The following MYO3B variants were observed in gnomAD, a reference collection of about 807,000 sequenced individuals.
MYO3B encodes myosin IIIB.
Under a neutral mutation model 174.6 loss-of-function variants are expected in MYO3B, and 156 were observed. That is an observed-to-expected ratio of 0.89 (90% confidence interval 0.78 to 1.02). The LOEUF is 1.02. Among genes scored for constraint, MYO3B ranks in the 50% least tolerant of loss-of-function variants. The pLI, the probability that MYO3B is intolerant of heterozygous loss-of-function variation, is 0.00. For missense variants in MYO3B, 1,632 were observed against 1,639.4 expected (o/e 1.00, Z 0.08); for synonymous variants, 563 against 569.1 (o/e 0.99, Z 0.15).
At chr2:170,410,045 C>T (rs186132003) in intron 22 of MYO3B, among the ~76,000 whole-genome samples, 2 of 152,286 alleles carry the variant, frequency 1.3e-5, no homozygotes, top group East Asian at 3.9e-4. Flanking sequence ...GCCTATACAT[C>T]TTGATGTTCC....
rs1044217350 is a variant in MYO3B, at chr2:170,483,603, G to A, written c.3015-14989G>A. Among the ~76,000 whole-genome samples the A allele has an allele frequency of 1.1e-4, 14 of 125,824 alleles. 5 individuals are homozygous for A. The highest frequency in any genetic ancestry group is 7.0e-4 in the African/African-American group (14 of 19,904). The allele number at this position is 125,824 out of a possible 152,430, so 82.5% of individuals were successfully genotyped here. On this transcript the variant is annotated intron_variant, in intron 25 of 34. Transcript: ENST00000408978. Reference sequence around the variant, plus strand: ...GGGTTTCACCGTGTTAGCCAGGATGGTCTCGATCTCCTGACCTCGTGATCC... The same window carrying A: ...GGGTTTCACCGTGTTAGCCAGGATGATCTCGATCTCCTGACCTCGTGATCC...
At chr2:170,417,697 T>C (rs184121915) in intron 22 of MYO3B, among the ~76,000 whole-genome samples, 1 of 152,330 alleles carries the variant, frequency 6.6e-6, no homozygotes, top group Non-Finnish European at 1.5e-5. Context: ...ACCAACCCTC[T>C]GTCTGCCTTC....
chr2:170,307,738 C>T (rs1295380137), intron 7 of MYO3B, among the ~76,000 whole-genome samples: 1 of 152,186 alleles, frequency 6.6e-6, no homozygotes, highest in Non-Finnish European at 1.5e-5. Flanking sequence ...AGGGTCACCC[C>T]ATAGGTAGTG....
intron 7 of MYO3B, among the ~76,000 whole-genome samples, chr2:170,285,275 T>G (rs1185961377): frequency 6.6e-6 from 1 of 152,194 alleles, no homozygotes; most frequent in Non-Finnish European, 1.5e-5. Context: ...CCAAAGGGTT[T>G]TTTTTGTCTT....
At chr2:170,376,481 T>A (rs2094294268) in intron 9 of MYO3B, among the ~76,000 whole-genome samples, 1 of 152,226 alleles carries the variant, frequency 6.6e-6, no homozygotes, top group Non-Finnish European at 1.5e-5. Flanking sequence ...TTGTATGGAA[T>A]CCATTGAATG....
At chr2:170,651,813 C>A in intron 33 of MYO3B, 79 bp downstream of exon 33, 2 of 1,180,096 alleles carry the variant, frequency 1.7e-6, no homozygotes, top group Non-Finnish European at 2.5e-6. Flanking sequence ...CCTGTTCCAG[C>A]CCCTGCAGCC....
intron 28 of MYO3B, among the ~76,000 whole-genome samples, chr2:170,511,972 G>A (rs865869444): frequency 1.4e-4 from 21 of 152,306 alleles, no homozygotes; most frequent in African/African-American, 4.6e-4. Context: ...CAGAAGGAAG[G>A]GGAATTCCCC....
chr2:170,400,509 A>G (rs2094468107), intron 17 of MYO3B, among the ~76,000 whole-genome samples, 195 bp downstream of exon 17: 2 of 150,594 alleles, frequency 1.3e-5, no homozygotes. Flanking sequence ...AGGTTCAAGC[A>G]GTTCTTTGCC....
chr2:170,226,739 G>C (rs7578751), intron 6 of MYO3B, among the ~76,000 whole-genome samples: 1 of 152,124 alleles, frequency 6.6e-6, no homozygotes, highest in South Asian at 2.1e-4. Flanking sequence ...GTGAGGCCCA[G>C]AGCAGAGGCC....
chr2:170,525,590 C>T (rs993336069), intron 30 of MYO3B, among the ~76,000 whole-genome samples: 8 of 152,188 alleles, frequency 5.3e-5, no homozygotes, highest in Admixed American at 1.3e-4. Context: ...GAAGCTGCTT[C>T]GTTATGGGCC....
At chr2:170,213,048 T>C (rs536869150) in intron 3 of MYO3B, among the ~76,000 whole-genome samples, 23 of 152,328 alleles carry the variant, frequency 1.5e-4, no homozygotes, top group African/African-American at 5.1e-4. Context: ...GGTATTTCCA[T>C]GCTCTGCTCA....
intron 22 of MYO3B, among the ~76,000 whole-genome samples, chr2:170,411,158 C>T (rs1164390429): frequency 2.6e-5 from 4 of 152,196 alleles, no homozygotes; most frequent in Non-Finnish European, 5.9e-5. Flanking sequence ...GCCCCAGGAT[C>T]ACTTTCCTGT....
intron 32 of MYO3B, among the ~76,000 whole-genome samples, chr2:170,647,468 C>T (rs1210191094): frequency 4.6e-5 from 7 of 152,146 alleles, no homozygotes; most frequent in Non-Finnish European, 1.0e-4. Context: ...ACTATTTATT[C>T]GGTTGCTTAC....
intron 7 of MYO3B, among the ~76,000 whole-genome samples, chr2:170,327,694 G>C (rs975857359): frequency 1.3e-5 from 2 of 151,970 alleles, no homozygotes; most frequent in Non-Finnish European, 2.9e-5. Flanking sequence ...ACTTAGCATG[G>C]ATATCTTTTC....
intron 30 of MYO3B, among the ~76,000 whole-genome samples, chr2:170,539,049 C>G (rs1322482012): frequency 6.6e-6 from 1 of 152,180 alleles, no homozygotes; most frequent in Non-Finnish European, 1.5e-5. Context: ...CCCAATTGTT[C>G]TAAGAATGTC....
intron 25 of MYO3B, among the ~76,000 whole-genome samples, chr2:170,475,074 T>C (rs996254671): frequency 6.6e-6 from 1 of 152,152 alleles, no homozygotes; most frequent in African/African-American, 2.4e-5. Context: ...TCCACTTCAC[T>C]AAGGGATTAG....
At chr2:170,282,090 C>A (rs1240624760) in intron 7 of MYO3B, among the ~76,000 whole-genome samples, 3 of 152,240 alleles carry the variant, frequency 2.0e-5, no homozygotes, top group East Asian at 1.9e-4. Flanking sequence ...CTTTGCCATG[C>A]AGCTTTTTAG....
At chr2:170,603,120 T>G (rs1694620205) in intron 32 of MYO3B, among the ~76,000 whole-genome samples, 1 of 152,070 alleles carries the variant, frequency 6.6e-6, no homozygotes, top group South Asian at 2.1e-4. Context: ...TTCATAAACT[T>G]TATTTTCCTA....
intron 7 of MYO3B, among the ~76,000 whole-genome samples, chr2:170,317,069 A>G (rs2093780859): frequency 6.6e-6 from 1 of 152,194 alleles, no homozygotes; most frequent in African/African-American, 2.4e-5. Context: ...GCATGGAAGT[A>G]ATAGGATCAA....
Sources: gnomAD v4.1 joint callset for allele counts (sites outside exome capture counted in the v4.1 genomes callset) on GRCh38, gnomAD v4.1.1 for gene constraint, MANE v1.5 for transcripts, NCBI Gene and HGNC (gene_info 2026-07-23, HGNC 2026-07-21) for gene names.